Variants in BICDL1 observed in about 807,000 individuals in gnomAD.
The protein encoded by BICDL1 is BICD family-like cargo adapter 1.
BICDL1 carries 20 observed loss-of-function variants against 76.8 expected under a neutral mutation model. The ratio of observed to expected loss-of-function variants is 0.26; its 90% confidence interval spans 0.18 to 0.38. BICDL1 has a LOEUF of 0.38. Ranked by LOEUF, BICDL1 falls within the 10% of genes least tolerant of loss-of-function variation. The pLI, the probability that BICDL1 is intolerant of heterozygous loss-of-function variation, is 1.00. For synonymous variants in BICDL1, 383 were observed against 337.1 expected (o/e 1.14, Z -1.49); for missense variants, 700 against 798.6 (o/e 0.88, Z 1.49).
Position 120,073,918 on chromosome 12 carries a change from T to G in BICDL1, c.1309-525T>G, listed in dbSNP as rs183260906. 1.5e-3 allele frequency among the ~76,000 whole-genome samples: 224 copies of G among 152,242 alleles called. 1 individual carries two copies. Among genetic ancestry groups the G allele is most frequent in the African/African-American group, 5.1e-3 (210 of 41,542 alleles). On this transcript the variant is annotated intron_variant, in intron 6 of 9. Coordinates refer to ENST00000548673, the MANE Select transcript of BICDL1 (RefSeq NM_001367886.1). ...TTGAAATTGAGCAATCTCTTTTTTT[T>G]GTTTGTTTTTTGTTTTTTTGAGACG...
At chr12:119,991,737 AAGG>A (rs1433621740) in intron 1 of BICDL1, among the ~76,000 whole-genome samples, 1 of 152,192 alleles carries the variant, frequency 6.6e-6, no homozygotes, top group Non-Finnish European at 1.5e-5. Context: ...GCTGACTTGA[AAGG>A]AGCACCGTAT....
chr12:120,004,224 G>A (rs1951812149), intron 2 of BICDL1, among the ~76,000 whole-genome samples: 1 of 152,062 alleles, frequency 6.6e-6, no homozygotes. Context: ...TTTTCCCAGA[G>A]CCCCCTCCAT....
chr12:120,068,931 T>TA (rs1872872512), intron 4 of BICDL1, among the ~76,000 whole-genome samples: 1 of 151,984 alleles, frequency 6.6e-6, no homozygotes, highest in Non-Finnish European at 1.5e-5. Context: ...TGCAGTGGGG[T>TA]AGAGGGGGTG....
intron 7 of BICDL1, among the ~76,000 whole-genome samples, chr12:120,076,114 G>A (rs574113360): frequency 1.3e-5 from 2 of 152,318 alleles, no homozygotes; most frequent in South Asian, 2.1e-4. Context: ...AGTTGAGATC[G>A]TGCCACTACA....
At position 119,998,139 on chromosome 12, in the gene BICDL1, T is replaced by TC. The variant is rs1202032310; in HGVS notation, c.430-380dup. Reference sequence around the variant, plus strand: ...TCCAGCCTGGGCGACAGAGCAAGACTCCATCTCAAAAAAATCAAAAAGGAT... The same window carrying TC: ...TCCAGCCTGGGCGACAGAGCAAGACTCCCATCTCAAAAAAATCAAAAAGGAT... On this transcript the variant is annotated intron_variant, in intron 1 of 9. Transcript: ENST00000548673. Among the ~76,000 whole-genome samples, 5 of 152,038 alleles carry TC rather than the reference T, an allele frequency of 3.3e-5. No individual in the cohort carries two copies. The East Asian group carries it at 7.7e-4, about 23-fold the overall frequency.
At chr12:120,024,973 CAGCCAAGTCCTTCTTCTTTAAAGTGTGT>C (rs1338855692) in intron 2 of BICDL1, among the ~76,000 whole-genome samples, 16 of 152,154 alleles carry the variant, frequency 1.1e-4, no homozygotes, top group African/African-American at 2.6e-4. Flanking sequence ...CCACCGCACC[CAGCCAAGTCCTTCTTCTTTAAAGTGTGT>C]AGCCAAGTCC....
At position 120,093,629 on chromosome 12, in the gene BICDL1, C is replaced by T. The variant is rs1239665295; in HGVS notation, c.*468C>T. On this transcript the variant is annotated 3_prime_UTR_variant, in exon 10 of 10. Transcript: ENST00000548673. The stretch of plus-strand genomic sequence containing the variant: ...GTGGGGGCAGCGGGCCAGGCCTGAG[C>T]CTCCATTCCTTCCCCAGCCCCTGGC... The T allele has an allele frequency of 5.8e-6, 1 of 171,484 alleles. No homozygotes were observed. The highest frequency in any genetic ancestry group is 2.4e-5 in the African/African-American group (1 of 41,614). The allele number at this position is 171,484 out of a possible 1,614,324, so 10.6% of individuals were successfully genotyped here.
chr12:120,022,527 G>A (rs1264011758), intron 2 of BICDL1, among the ~76,000 whole-genome samples: 2 of 149,866 alleles, frequency 1.3e-5, no homozygotes, highest in Non-Finnish European at 3.0e-5. Flanking sequence ...TAAGAGGCAT[G>A]AAAAACAAAT....
At chr12:120,007,457 C>T (rs1379659126) in intron 2 of BICDL1, among the ~76,000 whole-genome samples, 1 of 152,080 alleles carries the variant, frequency 6.6e-6, no homozygotes, top group African/African-American at 2.4e-5. Context: ...GTCCCCCACC[C>T]CCCACGTACA....
chr12:120,032,369 C>G (rs949603437), intron 2 of BICDL1, among the ~76,000 whole-genome samples: 1 of 152,130 alleles, frequency 6.6e-6, no homozygotes, highest in South Asian at 2.1e-4. Flanking sequence ...TATGGCCTAG[C>G]CAAGTTGTCA....
At chr12:120,055,409 T>C (rs1952952583) in intron 2 of BICDL1, among the ~76,000 whole-genome samples, 1 of 152,196 alleles carries the variant, frequency 6.6e-6, no homozygotes, top group Admixed American at 6.5e-5. Flanking sequence ...ATTAATCATG[T>C]CCACAAGCAA....
intron 2 of BICDL1, among the ~76,000 whole-genome samples, chr12:120,040,870 C>T (rs1261584667): frequency 6.6e-6 from 1 of 151,784 alleles, no homozygotes; most frequent in African/African-American, 2.4e-5. Context: ...GCCTCAGCCT[C>T]ACGAGTAGCT....
intron 2 of BICDL1, among the ~76,000 whole-genome samples, chr12:120,018,703 A>AT (rs1374727589): frequency 2.6e-5 from 4 of 151,330 alleles, no homozygotes; most frequent in African/African-American, 9.7e-5. Flanking sequence ...ATAAAAAAAA[A>AT]ATCATACTAT....
At chr12:120,027,026 TC>T (rs1352014144) in intron 2 of BICDL1, among the ~76,000 whole-genome samples, 3 of 142,770 alleles carry the variant, frequency 2.1e-5, no homozygotes, top group South Asian at 2.3e-4. Context: ...TGATGTAATT[TC>T]TTTTTTTTTT....
At chr12:120,078,932 C>A (rs1873767456) in intron 7 of BICDL1, among the ~76,000 whole-genome samples, 1 of 152,236 alleles carries the variant, frequency 6.6e-6, no homozygotes, top group Admixed American at 6.5e-5. Context: ...CTTTGTAGGT[C>A]TTGAGTCCTG....
At chr12:120,091,919 T>C (rs1031356366) in intron 9 of BICDL1, 1 of 985,218 alleles carries the variant, frequency 1.0e-6, no homozygotes, top group South Asian at 4.7e-5. Context: ...GAGCCTGCCC[T>C]GAACACAGGC....
chr12:120,071,110 A>T lies in BICDL1; in HGVS notation c.910-512A>T, dbSNP rs1307187052. Among the ~76,000 whole-genome samples, 1 of 151,678 alleles carries T rather than the reference A, an allele frequency of 6.6e-6. No individual in the cohort carries two copies. Among genetic ancestry groups the T allele is most frequent in the African/African-American group, 2.4e-5 (1 of 41,276 alleles). ...TTCCCTTGCAATGTTTTTGTTAAGG[A>T]AATGGAGTTGTTTGTCCTATAGAAT... On this transcript the variant is annotated intron_variant, in intron 4 of 9. Coordinates refer to ENST00000548673, the MANE Select transcript of BICDL1 (RefSeq NM_001367886.1). The surrounding 1 kb of genome is among the most constrained non-coding windows in gnomAD (Gnocchi z 4.8).
intron 2 of BICDL1, among the ~76,000 whole-genome samples, chr12:120,007,011 G>C (rs1951862764): frequency 6.6e-6 from 1 of 152,088 alleles, no homozygotes; most frequent in South Asian, 2.1e-4. Flanking sequence ...GGGTTAGGTT[G>C]GATATATGTT....
intron 9 of BICDL1, chr12:120,090,830 CTGGCTCCT>C (rs1190210989): frequency 4.0e-6 from 5 of 1,250,822 alleles, no homozygotes; most frequent in African/African-American, 3.1e-5. Flanking sequence ...GTGCCCGTCC[CTGGCTCCT>C]TGGCTCCTGC....
Sources: gnomAD v4.1 joint callset for allele counts (sites outside exome capture counted in the v4.1 genomes callset) on GRCh38, gnomAD v4.1.1 for gene constraint, Gnocchi (gnomAD v3.1) non-coding constraint, MANE v1.5 for transcripts, NCBI Gene and HGNC (gene_info 2026-07-23, HGNC 2026-07-21) for gene names.